Variants in NEK10 observed in about 807,000 individuals in gnomAD.
The protein encoded by NEK10 is serine/threonine-protein kinase Nek10.
Under a neutral mutation model 159.8 loss-of-function variants are expected in NEK10, and 122 were observed. The observed-to-expected ratio is 0.76, with a 90% CI of 0.66 to 0.89. The LOEUF is 0.89. Among genes scored for constraint, NEK10 ranks in the 40% least tolerant of loss-of-function variants. The pLI is 0.00. For missense variants in NEK10, 1,342 were observed against 1,323.1 expected (o/e 1.01, Z -0.22); for synonymous variants, 466 against 457.1 (o/e 1.02, Z -0.25).
chr3:27,198,845 G>A (rs538346322), intron 25 of NEK10, among the ~76,000 whole-genome samples: 14 of 152,196 alleles, frequency 9.2e-5, no homozygotes, highest in South Asian at 2.1e-4. Flanking sequence ...GCCGAGGCGT[G>A]TAGATCATGA....
At chr3:27,147,890 C>T (rs1200264014) in intron 30 of NEK10, among the ~76,000 whole-genome samples, 2 of 152,186 alleles carry the variant, frequency 1.3e-5, no homozygotes, top group African/African-American at 2.4e-5. Flanking sequence ...AATCTCTGTT[C>T]TTCAAATGCT....
chr3:27,343,251 T>C (rs1384348647), intron 5 of NEK10, among the ~76,000 whole-genome samples: 1 of 152,168 alleles, frequency 6.6e-6, no homozygotes, highest in Non-Finnish European at 1.5e-5. Context: ...ATCTAAAAGA[T>C]GGAGATATGA....
chr3:27,282,065 T>C (rs1475964982), intron 22 of NEK10, among the ~76,000 whole-genome samples: 1 of 152,194 alleles, frequency 6.6e-6, no homozygotes, highest in Non-Finnish European at 1.5e-5. Context: ...GCAGCAATAA[T>C]GTAAACATTG....
At chr3:27,346,593 T>C (rs549376593) in intron 3 of NEK10, among the ~76,000 whole-genome samples, 1 of 152,212 alleles carries the variant, frequency 6.6e-6, no homozygotes, top group South Asian at 2.1e-4. Context: ...CATCAGGAGG[T>C]TTTGAAGTTT....
chr3:27,196,081 GC>G (rs1336217924), intron 25 of NEK10, among the ~76,000 whole-genome samples: 1 of 152,124 alleles, frequency 6.6e-6, no homozygotes, highest in African/African-American at 2.4e-5. Flanking sequence ...CAGGCAAATA[GC>G]CCAGCACTGT....
chr3:27,211,051 G>C (rs1326069041), intron 23 of NEK10, among the ~76,000 whole-genome samples: 5 of 152,154 alleles, frequency 3.3e-5, no homozygotes, highest in Admixed American at 3.3e-4. Context: ...TGCAAACCAG[G>C]ACCTGTGATT....
chr3:27,303,880 T>A (rs1298052288), intron 12 of NEK10, among the ~76,000 whole-genome samples: 1 of 152,206 alleles, frequency 6.6e-6, no homozygotes, highest in Non-Finnish European at 1.5e-5. Flanking sequence ...GTACTGCAGA[T>A]CATAAAGACG....
chr3:27,253,588 C>T (rs1214587577), intron 23 of NEK10, among the ~76,000 whole-genome samples: 3 of 152,114 alleles, frequency 2.0e-5, no homozygotes, highest in African/African-American at 4.8e-5. Context: ...AGAATAAATG[C>T]TCTGAGGCAC....
At chr3:27,241,253 C>A (rs1197770307) in intron 23 of NEK10, among the ~76,000 whole-genome samples, 7 of 152,188 alleles carry the variant, frequency 4.6e-5, no homozygotes, top group Admixed American at 3.9e-4. Flanking sequence ...GGCCACCCTA[C>A]AACCATATCT....
chr3:27,344,189 A>G (rs760734619), intron 5 of NEK10, 83 bp downstream of exon 5: 2 of 692,676 alleles, frequency 2.9e-6, no homozygotes, highest in Non-Finnish European at 5.1e-6. Flanking sequence ...ATCCTGTAAG[A>G]TGTTTCAAAT....
chr3:27,153,990 T>G (rs1469129990), intron 30 of NEK10, among the ~76,000 whole-genome samples: 1 of 151,800 alleles, frequency 6.6e-6, no homozygotes, highest in Non-Finnish European at 1.5e-5. Flanking sequence ...AAACAAAAAA[T>G]ATACAAAAGA....
chr3:27,331,571 T>G (rs191244086), intron 5 of NEK10, among the ~76,000 whole-genome samples: 1 of 152,310 alleles, frequency 6.6e-6, no homozygotes, highest in East Asian at 1.9e-4. Flanking sequence ...CTAACCTCCC[T>G]CTGCGATGGA....
chr3:27,307,520 A>G (rs1201553655), intron 11 of NEK10, among the ~76,000 whole-genome samples: 1 of 152,216 alleles, frequency 6.6e-6, no homozygotes, highest in East Asian at 1.9e-4. Context: ...TTATTGTAAT[A>G]TACAATTTGA....
intron 5 of NEK10, among the ~76,000 whole-genome samples, chr3:27,331,089 T>C (rs1219991305): frequency 6.6e-6 from 1 of 151,738 alleles, no homozygotes; most frequent in Non-Finnish European, 1.5e-5. Context: ...ATACAAAAAT[T>C]AGCCAATCGT....
intron 23 of NEK10, among the ~76,000 whole-genome samples, chr3:27,245,563 C>T (rs1047389252): frequency 1.3e-5 from 2 of 152,198 alleles, no homozygotes; most frequent in African/African-American, 4.8e-5. Flanking sequence ...ATGAAGCCAT[C>T]TTGGACTGCC....
chr3:27,125,552 T>A (rs901072771), intron 32 of NEK10, among the ~76,000 whole-genome samples: 16 of 152,228 alleles, frequency 1.1e-4, no homozygotes, highest in African/African-American at 3.1e-4. Context: ...CTAATTTTTT[T>A]ATCTTTTCTA....
In NEK10 at chr3:27,171,851, A is replaced by G. The variant is rs531735170; in HGVS notation, c.2799T>C (p.Ser933=). The change falls in exon 29 of 36, where the codon AGT becomes AGC. Residue 933 remains serine, a synonymous_variant. Transcript: ENST00000691995. Reference sequence around the variant, plus strand: ...GGGATTGTCTTTCTCCTCCTGAAGCACTAAAACTTCTCTTTAAAATGTCTG... The same window carrying G: ...GGGATTGTCTTTCTCCTCCTGAAGCGCTAAAACTTCTCTTTAAAATGTCTG... The part of the protein sequence containing the change: ...STFNILKRSF[S]ASGGERQSQT... 2 of 1,613,704 alleles carry G rather than the reference A, an allele frequency of 1.2e-6. No individual in the cohort carries two copies. Among genetic ancestry groups the G allele is most frequent in the Non-Finnish European group, 1.7e-6 (2 of 1,179,812 alleles).
intron 30 of NEK10, chr3:27,162,217 C>T: frequency 7.4e-6 from 4 of 541,916 alleles, no homozygotes; most frequent in Non-Finnish European, 6.2e-6. Flanking sequence ...GGTTAACATT[C>T]CCGCCACGGC....
intron 22 of NEK10, among the ~76,000 whole-genome samples, chr3:27,282,561 C>CATAACTGTGTTATATATATATAT (rs2042258496): frequency 1.0e-5 from 1 of 98,808 alleles, no homozygotes; most frequent in African/African-American, 5.0e-5. Flanking sequence ...TATATATATA[C>CATAACTGTGTTATATATATATAT]ATAACTGTGT....
Sources: allele counts gnomAD v4.1 joint callset (sites outside exome capture counted in the v4.1 genomes callset), GRCh38; gene constraint gnomAD v4.1.1; transcripts MANE v1.5; gene names NCBI Gene and HGNC (gene_info 2026-07-23, HGNC 2026-07-21).